The following NAALADL2 variants were observed in gnomAD, a reference collection of about 807,000 sequenced individuals.
NAALADL2 encodes the protein N-acetylated alpha-linked acidic dipeptidase like 2, also known as inactive N-acetylated-alpha-linked acidic dipeptidase-like protein 2.
NAALADL2 carries 76 observed loss-of-function variants against 87.2 expected under a neutral mutation model. That is an observed-to-expected ratio of 0.87 (90% CI 0.72 to 1.05). The LOEUF (loss-of-function observed/expected upper bound fraction) is 1.05, where lower values mean the gene tolerates loss of function less well. Ranked by LOEUF, NAALADL2 falls within the 50% of genes least tolerant of loss-of-function variation. NAALADL2 has a pLI of 0.00. For synonymous variants in NAALADL2, 354 were observed against 331.0 expected (o/e 1.07, Z -0.75); for missense variants, 1,089 against 945.8 (o/e 1.15, Z -1.99).
In NAALADL2 at chr3:175,093,416, T is replaced by TTATATATATA. The variant is rs1179118417; in HGVS notation, c.44-3366_44-3357dup. 1.5e-3 allele frequency among the ~76,000 whole-genome samples: 203 copies of TTATATATATA among 139,500 alleles called. 1 individual carries two copies. The highest frequency in any genetic ancestry group is 5.3e-3 in the African/African-American group (194 of 36,450). 91.5% of individuals were successfully genotyped at this position (139,500 alleles called of 152,430 possible). On this transcript the variant is annotated intron_variant, in intron 1 of 13. Transcript: ENST00000454872. ...TTTTTGTTGAGTTCATTTTATTTTT[T>TTATATATATA]TATATATATATATATATGTTTTAAG...
chr3:174,805,073 C>T (rs1209114775), intron 3 of NAALADL2, among the ~76,000 whole-genome samples: 1 of 152,044 alleles, frequency 6.6e-6, no homozygotes, highest in Non-Finnish European at 1.5e-5. Context: ...TGAGATGAAC[C>T]AAGTAACTAT....
intron 1 of NAALADL2, among the ~76,000 whole-genome samples, chr3:174,451,145 A>G (rs1301522271): frequency 1.3e-4 from 20 of 152,216 alleles, no homozygotes; most frequent in Non-Finnish European, 1.3e-4. Flanking sequence ...ATAACATGGT[A>G]TGATGACATA....
intron 10 of NAALADL2, among the ~76,000 whole-genome samples, chr3:175,598,288 C>A (rs1438957893): frequency 1.3e-5 from 2 of 151,854 alleles, no homozygotes; most frequent in African/African-American, 4.8e-5. Context: ...TATACAAAAT[C>A]TTCCAGATAG....
chr3:175,277,700 T>C (rs1753777660), intron 4 of NAALADL2, among the ~76,000 whole-genome samples: 1 of 152,216 alleles, frequency 6.6e-6, no homozygotes. Flanking sequence ...CCAAAATGCT[T>C]AGAATTATTT....
chr3:175,378,500 G>A (rs1048663139), intron 5 of NAALADL2, among the ~76,000 whole-genome samples: 1 of 152,200 alleles, frequency 6.6e-6, no homozygotes, highest in Non-Finnish European at 1.5e-5. Context: ...GATAGTGATT[G>A]TTCACTTGGC....
At chr3:175,400,393 T>G (rs1770411341) in intron 5 of NAALADL2, among the ~76,000 whole-genome samples, 1 of 152,182 alleles carries the variant, frequency 6.6e-6, no homozygotes, top group African/African-American at 2.4e-5. Flanking sequence ...TGAACACATT[T>G]AGCTTCCTCT....
At chr3:175,373,405 G>C (rs1391159683) in intron 5 of NAALADL2, among the ~76,000 whole-genome samples, 1 of 152,026 alleles carries the variant, frequency 6.6e-6, no homozygotes, top group Non-Finnish European at 1.5e-5. Flanking sequence ...TCTTATCTAT[G>C]GACATATGTA....
intron 5 of NAALADL2, among the ~76,000 whole-genome samples, chr3:175,373,915 G>C (rs545643564): frequency 1.3e-5 from 2 of 152,066 alleles, no homozygotes; most frequent in Admixed American, 6.6e-5. Flanking sequence ...AAATGATTTT[G>C]AGCATGTTTT....
chr3:174,525,844 T>A (rs937735911), intron 1 of NAALADL2, among the ~76,000 whole-genome samples: 9 of 152,138 alleles, frequency 5.9e-5, no homozygotes, highest in Admixed American at 3.3e-4. Context: ...AGAGATACCA[T>A]TTTGGGGGGC....
upstream of NAALADL2, among the ~76,000 whole-genome samples, chr3:174,856,485 G>C (rs543216361): frequency 6.6e-6 from 1 of 152,210 alleles, no homozygotes; most frequent in South Asian, 2.1e-4. Flanking sequence ...GTCCTGCCCA[G>C]GATGTGAATC....
chr3:175,368,113 T>C (rs1377831310), intron 5 of NAALADL2, among the ~76,000 whole-genome samples: 1 of 152,206 alleles, frequency 6.6e-6, no homozygotes, highest in Non-Finnish European at 1.5e-5. Flanking sequence ...ATTGAGATAA[T>C]CATGTGGTTT....
chr3:175,403,924 A>G (rs1286611275), intron 5 of NAALADL2, among the ~76,000 whole-genome samples: 2 of 152,114 alleles, frequency 1.3e-5, no homozygotes, highest in Non-Finnish European at 2.9e-5. Flanking sequence ...TAAAGTGTTA[A>G]ACATGTTCAC....
intron 1 of NAALADL2, among the ~76,000 whole-genome samples, chr3:175,049,021 C>A (rs1242935813): frequency 2.6e-5 from 4 of 152,054 alleles, no homozygotes; most frequent in Admixed American, 2.6e-4. Context: ...CAGTAGTCTC[C>A]CTTTATCCAT....
At chr3:174,774,046 A>G (rs1446128132) in intron 3 of NAALADL2, among the ~76,000 whole-genome samples, 1 of 152,152 alleles carries the variant, frequency 6.6e-6, no homozygotes, top group Non-Finnish European at 1.5e-5. Flanking sequence ...AGTTATTCAC[A>G]AGCCTTTCCA....
chr3:174,656,423 G>T (rs1724932746), intron 2 of NAALADL2, among the ~76,000 whole-genome samples: 1 of 152,132 alleles, frequency 6.6e-6, no homozygotes, highest in Non-Finnish European at 1.5e-5. Flanking sequence ...TGACTTTAAA[G>T]AAGCTTATTT....
At chr3:174,735,251 A>G (rs1273676821) in intron 2 of NAALADL2, among the ~76,000 whole-genome samples, 1 of 152,242 alleles carries the variant, frequency 6.6e-6, no homozygotes, top group Non-Finnish European at 1.5e-5. Flanking sequence ...ATCTTAAAAT[A>G]ACATATAATT....
chr3:175,372,948 G>A (rs1018445694), intron 5 of NAALADL2, among the ~76,000 whole-genome samples: 5 of 152,154 alleles, frequency 3.3e-5, no homozygotes, highest in African/African-American at 9.7e-5. Context: ...GAAAGAACAG[G>A]ACATAGTATT....
chr3:175,123,024 A>T (rs926593131), intron 2 of NAALADL2, among the ~76,000 whole-genome samples: 1 of 151,938 alleles, frequency 6.6e-6, no homozygotes, highest in African/African-American at 2.4e-5. Flanking sequence ...CATTTTCATG[A>T]TAATGACATT....
At chr3:175,282,937 A>C (rs1431567506) in intron 4 of NAALADL2, among the ~76,000 whole-genome samples, 2 of 148,466 alleles carry the variant, frequency 1.3e-5, no homozygotes, top group Non-Finnish European at 3.0e-5. Context: ...AAATCCTCAA[A>C]TTATTTGGGA....
Sources: allele counts gnomAD v4.1 joint callset (sites outside exome capture counted in the v4.1 genomes callset), GRCh38; gene constraint gnomAD v4.1.1; transcripts MANE v1.5; gene names NCBI Gene and HGNC (gene_info 2026-07-23, HGNC 2026-07-21).